The following TRERF1 variants were observed in gnomAD, a reference collection of about 807,000 sequenced individuals.
TRERF1 encodes transcriptional-regulating factor 1.
TRERF1 carries 27 observed loss-of-function variants against 122.9 expected under a neutral mutation model. The ratio of observed to expected loss-of-function variants is 0.22; its 90% CI spans 0.16 to 0.30. TRERF1 has a LOEUF of 0.30. Among genes scored for constraint, TRERF1 ranks in the 10% least tolerant of loss-of-function variants. The pLI, the probability that TRERF1 is intolerant of heterozygous loss-of-function variation, is 1.00. For missense variants in TRERF1, 1,248 were observed against 1,560.3 expected (o/e 0.80, Z 3.37); for synonymous variants, 636 against 641.7 (o/e 0.99, Z 0.13).
chr6:42,346,421 A>G (rs1350143737), intron 3 of TRERF1, among the ~76,000 whole-genome samples: 1 of 152,138 alleles, frequency 6.6e-6, no homozygotes, highest in African/African-American at 2.4e-5. Context: ...TTCACATCTC[A>G]GTTGATTTCA....
chr6:42,272,772 C>A, intron 4 of TRERF1, among the ~76,000 whole-genome samples: 1 of 152,184 alleles, frequency 6.6e-6, no homozygotes. Flanking sequence ...ATGACCCAGT[C>A]TCAGACACCC....
intron 13 of TRERF1, among the ~76,000 whole-genome samples, chr6:42,254,270 T>C (rs1237257731): frequency 3.3e-5 from 5 of 152,192 alleles, no homozygotes; most frequent in African/African-American, 4.8e-5. Flanking sequence ...ACTCTGCCCA[T>C]GTCTGTCATA....
Position 42,259,592 on chromosome 6 carries a change from G to T in TRERF1, c.2016C>A (p.Asn672Lys). ...TGGCGCCCGAGTAGGAGGCAGCGGG[G>T]TTCGGGTTGTAGGAGGGCGGCGGCG... Residue 672 changes from asparagine (N) to lysine (K), a missense_variant, in exon 9 of 18, where the codon AAC (asparagine) becomes AAA (lysine). By Grantham distance (94) the Asn-to-Lys change is moderately conservative (BLOSUM62 0). Around this residue, in one of 5 missense-constraint regions of TRERF1, gnomAD observed 946 missense variants for 1,073.0 expected, o/e 0.88. Coordinates refer to ENST00000372922, the Ensembl canonical transcript of TRERF1. This position sits in a 1 kb window ranked among gnomAD's most constrained non-coding sequence, Gnocchi z 4.9. 1 of 1,613,936 alleles carries T rather than the reference G, an allele frequency of 6.2e-7. No individual in the cohort carries two copies.
intron 4 of TRERF1, among the ~76,000 whole-genome samples, chr6:42,270,492 T>C (rs1780022496): frequency 1.3e-5 from 2 of 152,236 alleles, no homozygotes; most frequent in South Asian, 4.1e-4. Context: ...AATTTATCTG[T>C]TCAACACATA....
intron 3 of TRERF1, among the ~76,000 whole-genome samples, chr6:42,310,982 A>C (rs1788133997): frequency 6.6e-6 from 1 of 152,170 alleles, no homozygotes; most frequent in African/African-American, 2.4e-5. Flanking sequence ...TGTAAACCAC[A>C]ATCTGCTGTT....
intron 2 of TRERF1, among the ~76,000 whole-genome samples, chr6:42,374,309 A>G (rs1774415539): frequency 6.6e-6 from 1 of 152,058 alleles, no homozygotes; most frequent in South Asian, 2.1e-4. Flanking sequence ...CTGGGCTTCC[A>G]GCTGGATTTA....
At chr6:42,449,635 C>T (rs890077073) in intron 2 of TRERF1, among the ~76,000 whole-genome samples, 1 of 152,162 alleles carries the variant, frequency 6.6e-6, no homozygotes, top group African/African-American at 2.4e-5. Context: ...TTTACCCTCC[C>T]AGCAAATACA....
chr6:42,376,461 T>G (rs1353117830), intron 2 of TRERF1, among the ~76,000 whole-genome samples: 1 of 151,572 alleles, frequency 6.6e-6, no homozygotes, highest in Non-Finnish European at 1.5e-5. Context: ...AGGCTGCTCC[T>G]GTGCTGAATC....
At position 42,276,579 on chromosome 6, in the gene TRERF1, G is replaced by A. The variant is rs114643627; in HGVS notation, c.-258-6731C>T. On this transcript the variant is annotated intron_variant, in intron 4 of 17. Coordinates refer to ENST00000372922, the Ensembl canonical transcript of TRERF1. This position sits in a 1 kb window ranked among gnomAD's most constrained non-coding sequence, Gnocchi z 4.3. The stretch of plus-strand genomic sequence containing the variant: ...TCCAGGATGTGGGCCGCAGTTCGCC[G>A]TCTTCTTTTTAGCACCGTTGTTGTT... Among the ~76,000 whole-genome samples, 1,015 of 152,296 alleles carry A rather than the reference G, an allele frequency of 6.7e-3. 6 individuals are homozygous for A. Among genetic ancestry groups the A allele is most frequent in the Admixed American group, 0.016 (239 of 15,300 alleles).
At chr6:42,335,354 C>A (rs111928724) in intron 3 of TRERF1, among the ~76,000 whole-genome samples, 3,745 of 152,316 alleles carry the variant, frequency 0.025, 164 homozygotes, top group African/African-American at 0.086. Context: ...ACCACACTTA[C>A]TAGTACTCAC....
At chr6:42,436,814 A>AAAAAAAATAT (rs61427173) in intron 2 of TRERF1, among the ~76,000 whole-genome samples, 6 of 66,684 alleles carry the variant, frequency 9.0e-5, no homozygotes, top group East Asian at 5.5e-4. Context: ...AAAAAAAAAA[A>AAAAAAAATAT]ATATATATAT....
intron 4 of TRERF1, among the ~76,000 whole-genome samples, chr6:42,281,650 A>G (rs556682017): frequency 2.9e-4 from 44 of 152,274 alleles, no homozygotes; most frequent in Non-Finnish European, 2.2e-4. Flanking sequence ...TACATCCAGG[A>G]TGCCTGCTTA....
In TRERF1 at chr6:42,407,061, A is replaced by C. The variant is rs976042218; in HGVS notation, c.-453-43982T>G. 3.9e-5 allele frequency among the ~76,000 whole-genome samples: 6 copies of C among 152,218 alleles called. No homozygotes were observed. In the East Asian group the frequency reaches 1.2e-3, roughly 29 times the overall value. On this transcript the variant is annotated intron_variant, in intron 2 of 17. Transcript: ENST00000372922. ...TCAAGGTCATCTAGCTCCCAAGTAA[A>C]GGAACTCAACACTAGAATTCATTAG...
intron 13 of TRERF1, among the ~76,000 whole-genome samples, chr6:42,249,353 C>T (rs1008150559): frequency 6.6e-6 from 1 of 152,174 alleles, no homozygotes; most frequent in Non-Finnish European, 1.5e-5. Flanking sequence ...CTTTTTTCTA[C>T]CCACCAGGCT....
intron 13 of TRERF1, among the ~76,000 whole-genome samples, chr6:42,248,754 C>T (rs1775229949): frequency 1.3e-5 from 2 of 152,152 alleles, no homozygotes; most frequent in Admixed American, 1.3e-4. Context: ...ACAGCTCTGA[C>T]CGTGCAGACC....
chr6:42,342,898 TACTC>T (rs953907059), intron 3 of TRERF1, among the ~76,000 whole-genome samples: 3 of 152,216 alleles, frequency 2.0e-5, no homozygotes, highest in African/African-American at 7.2e-5. Context: ...CTCCAACTGT[TACTC>T]ACATGATTTG....
intron 2 of TRERF1, among the ~76,000 whole-genome samples, chr6:42,427,886 C>A (rs1783883756): frequency 6.6e-6 from 1 of 152,144 alleles, no homozygotes; most frequent in Non-Finnish European, 1.5e-5. Context: ...AAATCAGACT[C>A]TTGACACCAT....
chr6:42,297,051 T>C (rs559869589), intron 4 of TRERF1, among the ~76,000 whole-genome samples: 1 of 152,284 alleles, frequency 6.6e-6, no homozygotes, highest in East Asian at 1.9e-4. Flanking sequence ...TGGTCAACAG[T>C]TATCGTGGGG....
rs562703764 is a variant in TRERF1, at chr6:42,305,913, A to C, written c.-370-5164T>G. Among the ~76,000 whole-genome samples, 8 of 151,786 alleles carry C rather than the reference A, an allele frequency of 5.3e-5. No homozygotes were observed. The South Asian group carries it at 1.7e-3, about 32-fold the overall frequency. On this transcript the variant is annotated intron_variant, in intron 3 of 17. Transcript: ENST00000372922. Reference sequence around the variant, plus strand: ...CAAATGAGTTCTATGTGGAGATGCCAGAAGGAGATGTAATTTTCAAGTGAG... The same window carrying C: ...CAAATGAGTTCTATGTGGAGATGCCCGAAGGAGATGTAATTTTCAAGTGAG...
Sources: allele counts gnomAD v4.1 joint callset (sites outside exome capture counted in the v4.1 genomes callset), GRCh38; gene constraint gnomAD v4.1.1; regional missense constraint gnomAD v4.1.1; non-coding constraint Gnocchi (gnomAD v3.1); transcripts MANE v1.5; gene names NCBI Gene and HGNC (gene_info 2026-07-23, HGNC 2026-07-21).